ADAM18: variants seen among roughly 807,000 people sequenced by gnomAD.
The protein encoded by ADAM18 is ADAM metallopeptidase domain 18.
A neutral mutation model predicts 94.4 loss-of-function variants in ADAM18; 117 were observed. The ratio of observed to expected loss-of-function variants is 1.24; its 90% confidence interval spans 1.07 to 1.45. ADAM18 has a LOEUF of 1.45. Ranked by LOEUF, ADAM18 falls within the 40% of genes most tolerant of loss-of-function variation. ADAM18 has a pLI of 0.00. For missense variants in ADAM18, 936 were observed against 880.0 expected (o/e 1.06, Z -0.81); for synonymous variants, 327 against 291.6 (o/e 1.12, Z -1.24).
chr8:39,671,696 C>T (rs1430789443), intron 14 of ADAM18, among the ~76,000 whole-genome samples: 1 of 152,154 alleles, frequency 6.6e-6, no homozygotes, highest in African/African-American at 2.4e-5. Flanking sequence ...TCTGATTCCT[C>T]CCCCGTCCCT....
At chr8:39,728,980 A>G (rs527760838) in intron 19 of ADAM18, among the ~76,000 whole-genome samples, 1 of 152,236 alleles carries the variant, frequency 6.6e-6, no homozygotes, top group East Asian at 1.9e-4. Flanking sequence ...ATTCCCACCA[A>G]CAGTCCAAAA....
At chr8:39,682,730 T>C (rs1381585190) in intron 16 of ADAM18, among the ~76,000 whole-genome samples, 1 of 152,148 alleles carries the variant, frequency 6.6e-6, no homozygotes, top group Admixed American at 6.5e-5. Flanking sequence ...CAGATTACTC[T>C]CTAGTGTCAA....
intron 18 of ADAM18, among the ~76,000 whole-genome samples, chr8:39,719,738 G>C (rs1234854848): frequency 6.6e-6 from 1 of 151,442 alleles, no homozygotes; most frequent in East Asian, 1.9e-4. Flanking sequence ...TTTAAAAATT[G>C]TTTACATTTA....
chr8:39,702,660 A>T (rs1434938659), intron 17 of ADAM18, among the ~76,000 whole-genome samples: 4 of 152,092 alleles, frequency 2.6e-5, no homozygotes, highest in African/African-American at 4.8e-5. Flanking sequence ...TGATTTTTGT[A>T]TATGGTGTAA....
At chr8:39,604,238 A>C (rs1365761898) in intron 2 of ADAM18, among the ~76,000 whole-genome samples, 2 of 152,226 alleles carry the variant, frequency 1.3e-5, no homozygotes, top group Admixed American at 6.5e-5. Context: ...AATTACAAAA[A>C]AACATACGAA....
intron 11 of ADAM18, among the ~76,000 whole-genome samples, chr8:39,646,732 A>G (rs1299638509): frequency 1.3e-5 from 2 of 152,234 alleles, no homozygotes; most frequent in East Asian, 3.8e-4. Context: ...TAGATATACT[A>G]GTGGAAATAT....
chr8:39,661,493 T>C (rs1820838968), intron 12 of ADAM18, among the ~76,000 whole-genome samples: 1 of 151,978 alleles, frequency 6.6e-6, no homozygotes, highest in South Asian at 2.1e-4. Flanking sequence ...TATATTTTTA[T>C]AATGTTTCTT....
intron 13 of ADAM18, 41 bp downstream of exon 13, chr8:39,663,931 T>G: frequency 7.5e-7 from 1 of 1,327,568 alleles, no homozygotes; most frequent in Non-Finnish European, 1.1e-6. Flanking sequence ...TGAACTGTGG[T>G]AAGAGACGTC....
chr8:39,637,158 A>G, intron 7 of ADAM18, 106 bp from the exon 8 acceptor site: 1 of 825,458 alleles, frequency 1.2e-6, no homozygotes, highest in Non-Finnish European at 1.8e-6. Context: ...TATGTACTTT[A>G]AAACAGCTCT....
chr8:39,708,956 G>T (rs1822317495), intron 18 of ADAM18, among the ~76,000 whole-genome samples: 1 of 152,230 alleles, frequency 6.6e-6, no homozygotes, highest in Non-Finnish European at 1.5e-5. Flanking sequence ...ATGTTACAGT[G>T]CTCCTTTAGC....
intron 2 of ADAM18, among the ~76,000 whole-genome samples, chr8:39,588,118 T>C (rs1328117068): frequency 6.6e-6 from 1 of 152,198 alleles, no homozygotes; most frequent in Non-Finnish European, 1.5e-5. Context: ...CCATACTGGT[T>C]TTCATAATGG....
chr8:39,610,779 G>T (rs1298221040), intron 6 of ADAM18, 73 bp downstream of exon 6: 1 of 1,502,346 alleles, frequency 6.7e-7, no homozygotes, highest in Non-Finnish European at 8.9e-7. Context: ...ATCATGAAAG[G>T]AATTTAGTTA....
In ADAM18 at chr8:39,648,334, T is replaced by C. The variant is rs771560328; in HGVS notation, c.1047-10T>C. On this transcript the variant is annotated splice_polypyrimidine_tract_variant and intron_variant, in intron 11 of 19. Transcript: ENST00000265707. ...GGCTTATTTGCCTGAGGAATATTAT[T>C]TTATTTTAGGAGTGCCAGTGGTAGA... is the stretch of plus-strand genomic sequence containing the variant. The C allele has an allele frequency of 6.4e-7, 1 of 1,574,164 alleles. No homozygotes were observed. Among genetic ancestry groups the C allele is most frequent in the Admixed American group, 1.9e-5 (1 of 53,702 alleles).
At chr8:39,684,208 C>T (rs1821546275) in intron 16 of ADAM18, among the ~76,000 whole-genome samples, 1 of 151,968 alleles carries the variant, frequency 6.6e-6, no homozygotes, top group Non-Finnish European at 1.5e-5. Flanking sequence ...GATAATTATA[C>T]ATCTGTGAAA....
chr8:39,673,492 A>G (rs1034984233), intron 14 of ADAM18, among the ~76,000 whole-genome samples: 4 of 131,594 alleles, frequency 3.0e-5, no homozygotes, highest in African/African-American at 1.2e-4. Flanking sequence ...AACAAGCCCC[A>G]GCATGTGACG....
chr8:39,620,375 C>CAA (rs376218269), intron 6 of ADAM18, among the ~76,000 whole-genome samples: 12 of 88,784 alleles, frequency 1.4e-4, no homozygotes, highest in East Asian at 5.3e-4. Context: ...AAAAAAAAAA[C>CAA]AAAAAAAAAT....
chr8:39,707,354 C>T (rs1259675643), intron 18 of ADAM18, among the ~76,000 whole-genome samples: 1 of 152,160 alleles, frequency 6.6e-6, no homozygotes, highest in Non-Finnish European at 1.5e-5. Flanking sequence ...ATAAATGGCT[C>T]ACTCATTTCA....
intron 14 of ADAM18, among the ~76,000 whole-genome samples, chr8:39,674,736 G>C (rs1821252916): frequency 6.6e-6 from 1 of 152,098 alleles, no homozygotes; most frequent in Non-Finnish European, 1.5e-5. Flanking sequence ...TTTACAATTT[G>C]GCCTGTTTTT....
intron 17 of ADAM18, among the ~76,000 whole-genome samples, chr8:39,705,016 C>A (rs1187639182): frequency 6.6e-6 from 1 of 151,968 alleles, no homozygotes; most frequent in Non-Finnish European, 1.5e-5. Flanking sequence ...TATCAAAATG[C>A]AAAAATGATG....
Sources: gnomAD v4.1 joint callset for allele counts (sites outside exome capture counted in the v4.1 genomes callset) on GRCh38, gnomAD v4.1.1 for gene constraint, MANE v1.5 for transcripts, NCBI Gene and HGNC (gene_info 2026-07-23, HGNC 2026-07-21) for gene names.